DPYD: variants seen among roughly 807,000 people sequenced by gnomAD.
DPYD encodes the protein dihydropyrimidine dehydrogenase.
DPYD carries 109 observed loss-of-function variants against 116.2 expected under a neutral mutation model. That is an observed-to-expected ratio of 0.94 (90% CI 0.80 to 1.10). DPYD has a LOEUF of 1.10. Ranked by LOEUF, DPYD falls within the 50% of genes least tolerant of loss-of-function variation. The pLI, the probability that DPYD is intolerant of heterozygous loss-of-function variation, is 0.00. For synonymous variants in DPYD, 440 were observed against 432.0 expected (o/e 1.02, Z -0.23); for missense variants, 1,302 against 1,254.5 (o/e 1.04, Z -0.57).
chr1:97,371,118 C>T (rs1436091810), intron 16 of DPYD, among the ~76,000 whole-genome samples: 1 of 151,884 alleles, frequency 6.6e-6, no homozygotes, highest in African/African-American at 2.4e-5. Context: ...ATGTTGATTA[C>T]ACACAGGCAA....
chr1:97,687,835 CA>C, intron 7 of DPYD, among the ~76,000 whole-genome samples: 1 of 152,176 alleles, frequency 6.6e-6, no homozygotes. Flanking sequence ...GGGACATGGA[CA>C]GAGCTGGAAG....
chr1:97,525,871 C>CGT (rs536155212), intron 12 of DPYD, among the ~76,000 whole-genome samples: 46 of 123,146 alleles, frequency 3.7e-4, no homozygotes, highest in African/African-American at 1.2e-3. Context: ...TAAGAGTGTG[C>CGT]GTGTGTGTGT....
intron 16 of DPYD, among the ~76,000 whole-genome samples, chr1:97,364,176 T>A (rs1670905448): frequency 6.6e-6 from 1 of 152,214 alleles, no homozygotes; most frequent in South Asian, 2.1e-4. Flanking sequence ...CCATGTTGTT[T>A]ACAGTTTTGG....
intron 20 of DPYD, among the ~76,000 whole-genome samples, chr1:97,112,001 T>G (rs559831266): frequency 1.1e-3 from 163 of 152,254 alleles, no homozygotes; most frequent in Admixed American, 2.6e-3. Context: ...AGCCAGAGCT[T>G]CATACACAAT....
chr1:97,306,769 C>A (rs1444854483), intron 16 of DPYD, among the ~76,000 whole-genome samples: 1 of 151,744 alleles, frequency 6.6e-6, no homozygotes, highest in Non-Finnish European at 1.5e-5. Context: ...GATGTGTATT[C>A]AAAATAAAAT....
intron 20 of DPYD, among the ~76,000 whole-genome samples, chr1:97,151,675 CAAAAATAAAAAAATAA>C (rs983134097): frequency 6.8e-6 from 1 of 146,820 alleles, no homozygotes; most frequent in African/African-American, 2.5e-5. Context: ...AAGTCTGTCT[CAAAAATAAAAAAATAA>C]AAAAATAAAA....
chr1:97,274,467 C>A (rs1284602915), intron 18 of DPYD, among the ~76,000 whole-genome samples: 1 of 152,156 alleles, frequency 6.6e-6, no homozygotes, highest in African/African-American at 2.4e-5. Flanking sequence ...GAGGTCCTCA[C>A]TAGAAGCAGA....
intron 20 of DPYD, among the ~76,000 whole-genome samples, chr1:97,147,822 CT>C (rs1274923428): frequency 2.0e-5 from 3 of 152,250 alleles, no homozygotes; most frequent in Admixed American, 1.3e-4. Context: ...AGTAATAGCT[CT>C]CTTTTACTGT....
At chr1:97,208,551 T>C (rs1462132727) in intron 19 of DPYD, among the ~76,000 whole-genome samples, 1 of 151,986 alleles carries the variant, frequency 6.6e-6, no homozygotes, top group African/African-American at 2.4e-5. Context: ...CTCCCAAGGA[T>C]TGGGACTATA....
At chr1:97,586,505 T>TACAAGC (rs1654128334) in intron 10 of DPYD, among the ~76,000 whole-genome samples, 1 of 113,820 alleles carries the variant, frequency 8.8e-6, no homozygotes, top group Non-Finnish European at 1.8e-5. Context: ...TATATATATA[T>TACAAGC]ATATATATAT....
intron 13 of DPYD, among the ~76,000 whole-genome samples, chr1:97,461,269 C>A (rs1677017907): frequency 6.6e-6 from 1 of 152,102 alleles, no homozygotes; most frequent in South Asian, 2.1e-4. Flanking sequence ...TCCTTAGAGT[C>A]TCATATTTTG....
At chr1:97,242,765 A>G (rs528326069) in intron 18 of DPYD, among the ~76,000 whole-genome samples, 4 of 151,814 alleles carry the variant, frequency 2.6e-5, no homozygotes, top group Non-Finnish European at 3.0e-5. Context: ...TCCTCTGTAC[A>G]TTACAAAGAA....
At chr1:97,089,827 G>GTTT (rs112112819) in intron 21 of DPYD, among the ~76,000 whole-genome samples, 2 of 126,600 alleles carry the variant, frequency 1.6e-5, no homozygotes, top group African/African-American at 5.7e-5. Context: ...CATTTTGTTT[G>GTTT]TTTTTTTTTT....
chr1:97,450,240 G>A lies in DPYD; in HGVS notation c.1741-17C>T, dbSNP rs1570752998. 1.9e-6 allele frequency: 3 copies of A among 1,612,800 alleles called. No individual in the cohort carries two copies. The highest frequency in any genetic ancestry group is 2.7e-5 in the African/African-American group (2 of 74,862). ...CACAATGTCCTGATGAAAGAGTAAAGATATTGAGTCTCCTTTTGACAAAGA... is the reference window on the plus strand; with the variant it reads ...CACAATGTCCTGATGAAAGAGTAAAAATATTGAGTCTCCTTTTGACAAAGA... On this transcript the variant is annotated splice_polypyrimidine_tract_variant and intron_variant, in intron 13 of 22. Coordinates refer to ENST00000370192, the MANE Select transcript of DPYD (RefSeq NM_000110.4).
At chr1:97,735,347 T>C (rs1024255174) in intron 4 of DPYD, among the ~76,000 whole-genome samples, 12 of 151,792 alleles carry the variant, frequency 7.9e-5, no homozygotes, top group Middle Eastern at 3.4e-3. Flanking sequence ...AATAGTAAAA[T>C]TGACAGAATA....
At chr1:97,188,738 C>T (rs1267159599) in intron 20 of DPYD, among the ~76,000 whole-genome samples, 1 of 152,150 alleles carries the variant, frequency 6.6e-6, no homozygotes, top group East Asian at 1.9e-4. Context: ...TTCAATTCAG[C>T]TACCATGCCA....
chr1:97,825,944 C>A (rs1171198127), intron 3 of DPYD, among the ~76,000 whole-genome samples: 1 of 152,102 alleles, frequency 6.6e-6, no homozygotes, highest in Admixed American at 6.6e-5. Context: ...AAGCACCTGA[C>A]CCACCATATA....
chr1:97,885,004 AC>A (rs1244126689), intron 1 of DPYD, among the ~76,000 whole-genome samples: 4 of 152,036 alleles, frequency 2.6e-5, no homozygotes, highest in Non-Finnish European at 5.9e-5. Context: ...GCATGATACA[AC>A]ATGTTTTCTA....
chr1:97,549,645 C>T lies in DPYD; in HGVS notation c.1439G>A (p.Gly480Asp). ...QTSEAWVFAG[G>D]DVVGLANTTV... ...AGTGTTAGCCAAACCAACGACATCA[C>T]CACCTGCAAATACCCATGCTTCACT... The change falls in exon 12 of 23, where the codon GGT becomes GAT. Residue 480 changes from glycine to aspartate, a missense_variant. Gly to Asp is a moderately conservative substitution (Grantham distance 94). Coordinates refer to ENST00000370192, the MANE Select transcript of DPYD (RefSeq NM_000110.4). 1.9e-6 allele frequency: 3 copies of T among 1,613,868 alleles called. No homozygotes were observed. Among genetic ancestry groups the T allele is most frequent in the Non-Finnish European group, 2.5e-6 (3 of 1,179,876 alleles).
Sources: allele counts gnomAD v4.1 joint callset (sites outside exome capture counted in the v4.1 genomes callset), GRCh38; gene constraint gnomAD v4.1.1; transcripts MANE v1.5; gene names NCBI Gene and HGNC (gene_info 2026-07-23, HGNC 2026-07-21).